The following ARMC8 variants were observed in gnomAD, a reference collection of about 807,000 sequenced individuals.
ARMC8 encodes armadillo repeat-containing protein 8.
In ARMC8, 20 loss-of-function variants were observed where a neutral mutation model predicts 99.3. The observed-to-expected ratio is 0.20, with a 90% confidence interval of 0.14 to 0.29. The LOEUF is 0.29. Ranked by LOEUF, ARMC8 falls within the 10% of genes least tolerant of loss-of-function variation. ARMC8 has a pLI of 1.00. For missense variants in ARMC8, 569 were observed against 809.5 expected (o/e 0.70, Z 3.60); for synonymous variants, 263 against 278.3 (o/e 0.95, Z 0.55).
chr3:138,227,110 C>T (rs1456256412), intron 5 of ARMC8, among the ~76,000 whole-genome samples: 1 of 152,174 alleles, frequency 6.6e-6, no homozygotes, highest in Non-Finnish European at 1.5e-5. Context: ...AGTAAAAAGA[C>T]AGCAGGATTT....
intron 14 of ARMC8, among the ~76,000 whole-genome samples, chr3:138,266,935 C>A (rs1434908181): frequency 6.6e-6 from 1 of 152,162 alleles, no homozygotes; most frequent in Non-Finnish European, 1.5e-5. Context: ...AGTGAGGCTG[C>A]AGCTTCTCCA....
intron 6 of ARMC8, among the ~76,000 whole-genome samples, chr3:138,230,576 A>C (rs1490597569): frequency 6.6e-6 from 1 of 152,074 alleles, no homozygotes; most frequent in Non-Finnish European, 1.5e-5. Context: ...TCGATTGAGC[A>C]CAGGTGGTTG....
intron 12 of ARMC8, among the ~76,000 whole-genome samples, chr3:138,263,323 T>C (rs956570242): frequency 7.9e-5 from 12 of 152,256 alleles, no homozygotes; most frequent in African/African-American, 2.9e-4. Context: ...GGCTCTGTCC[T>C]AAGCCCAGAT....
At chr3:138,265,330 A>T (rs1281503163) in intron 14 of ARMC8, among the ~76,000 whole-genome samples, 4 of 152,150 alleles carry the variant, frequency 2.6e-5, no homozygotes, top group African/African-American at 9.7e-5. Flanking sequence ...GCTGCTAATA[A>T]TGTTATCCCC....
chr3:138,285,461 T>A (rs2050319262), intron 19 of ARMC8, among the ~76,000 whole-genome samples: 1 of 152,154 alleles, frequency 6.6e-6, no homozygotes, highest in Admixed American at 6.5e-5. Context: ...CCACTTGAAG[T>A]TTCTCAAAAA....
At chr3:138,243,900 C>A (rs992916708) in intron 11 of ARMC8, among the ~76,000 whole-genome samples, 1 of 152,108 alleles carries the variant, frequency 6.6e-6, no homozygotes, top group African/African-American at 2.4e-5. Context: ...AAAGTAACTT[C>A]TTTGGGAAAA....
rs556647265 is a variant in ARMC8, at chr3:138,286,288, T to G, written c.1821+1762T>G. 3.3e-5 allele frequency among the ~76,000 whole-genome samples: 5 copies of G among 152,196 alleles called. No individual in the cohort carries two copies. The South Asian group carries it at 8.3e-4, about 25-fold the overall frequency. On this transcript the variant is annotated intron_variant, in intron 19 of 21. Transcript: ENST00000469044. ...AAGCATCTTTTCTGTACATACGGCCTCCTCCTCTGCCTCTAAAGTCATTTT... is the reference window on the plus strand; with the variant it reads ...AAGCATCTTTTCTGTACATACGGCCGCCTCCTCTGCCTCTAAAGTCATTTT...
intron 1 of ARMC8, among the ~76,000 whole-genome samples, chr3:138,207,758 A>G (rs1026901993): frequency 1.3e-5 from 2 of 152,194 alleles, no homozygotes; most frequent in African/African-American, 2.4e-5. Context: ...AGATCTGACA[A>G]ATGGGTAAAG....
intron 2 of ARMC8, 105 bp from the exon 3 acceptor site, chr3:138,221,821 T>C (rs2045414169): frequency 3.4e-6 from 3 of 884,850 alleles, no homozygotes; most frequent in African/African-American, 3.3e-5. Context: ...AGGTTAGTGC[T>C]TTTACTTTGT....
chr3:138,197,401 C>T (rs560196454), intron 1 of ARMC8, among the ~76,000 whole-genome samples: 34 of 152,294 alleles, frequency 2.2e-4, no homozygotes, highest in Non-Finnish European at 3.2e-4. Flanking sequence ...AATACTACTT[C>T]GAAGGTGTGC....
rs1285428368 is a variant in ARMC8, at chr3:138,258,730, C to G, written c.1135-5009C>G. ...ATGTCATAAAAGCTAAAGACACCAGCAGGGAGGTACACAATACCTGATCCA... is the reference window on the plus strand; with the variant it reads ...ATGTCATAAAAGCTAAAGACACCAGGAGGGAGGTACACAATACCTGATCCA... On this transcript the variant is annotated intron_variant, in intron 12 of 21. Transcript: ENST00000469044. Among the ~76,000 whole-genome samples, 3 of 152,218 alleles carry G rather than the reference C, an allele frequency of 2.0e-5. No homozygotes were observed. The South Asian group carries it at 6.2e-4, about 32-fold the overall frequency.
At chr3:138,239,338 A>C (rs961428325) in intron 9 of ARMC8, 130 bp from the exon 10 acceptor site, 10 of 627,444 alleles carry the variant, frequency 1.6e-5, no homozygotes, top group African/African-American at 1.6e-4. Flanking sequence ...CGAATTGTCA[A>C]AATCTTCACT....
intron 1 of ARMC8, among the ~76,000 whole-genome samples, chr3:138,199,103 G>A (rs557123261): frequency 3.3e-5 from 5 of 152,156 alleles, no homozygotes; most frequent in South Asian, 2.1e-4. Context: ...GAAACTTTCC[G>A]AAGTTACTAG....
chr3:138,289,051 C>T lies in ARMC8; in HGVS notation c.1825C>T (p.His609Tyr). 2 of 1,611,884 alleles carry T rather than the reference C, an allele frequency of 1.2e-6. No homozygotes were observed. Among genetic ancestry groups the T allele is most frequent in the Non-Finnish European group, 1.7e-6 (2 of 1,178,522 alleles). The change falls in exon 20 of 22, where the codon CAT becomes TAT. Residue 609 changes from histidine (H) to tyrosine (Y), a missense_variant. Transcript: ENST00000469044. ...ILQKIKYYMG[H>Y]SHVKLQLAAM... Reference sequence around the variant, plus strand: ...TTTTCTTTTTCTGTATTAATAGGGCCATTCACATGTTAAACTGCAGCTTGC... The same window carrying T: ...TTTTCTTTTTCTGTATTAATAGGGCTATTCACATGTTAAACTGCAGCTTGC...
In ARMC8 at chr3:138,221,813, GT is replaced by G. The variant is rs2045413777; in HGVS notation, c.123-111del. The G allele has an allele frequency of 1.8e-5, 14 of 784,920 alleles. No homozygotes were observed. The South Asian group carries it at 2.1e-4, about 12-fold the overall frequency. 48.6% of individuals were successfully genotyped at this position (784,920 alleles called of 1,614,324 possible). A position where few individuals can be genotyped will look rare whatever the true frequency, so the allele number is the denominator to read the frequency against. ...TCATTAGTACTTTAGGTGAAAAAAG[GT>G]TAGTGCTTTTACTTTGTCAAATCTA... is the stretch of plus-strand genomic sequence containing the variant. On this transcript the variant is annotated intron_variant, in intron 2 of 21. Transcript: ENST00000469044.
chr3:138,199,467 A>G (rs993399452), intron 1 of ARMC8, among the ~76,000 whole-genome samples: 7 of 152,134 alleles, frequency 4.6e-5, no homozygotes, highest in Non-Finnish European at 7.4e-5. Context: ...GTCTTTGTGG[A>G]TAGTGTTATC....
At chr3:138,285,759 A>G (rs745866801) in intron 19 of ARMC8, among the ~76,000 whole-genome samples, 1 of 152,186 alleles carries the variant, frequency 6.6e-6, no homozygotes, top group Non-Finnish European at 1.5e-5. Flanking sequence ...TATATCCACC[A>G]TGGTGTCTGG....
chr3:138,278,683 A>G (rs901623850), intron 18 of ARMC8, among the ~76,000 whole-genome samples: 3 of 152,152 alleles, frequency 2.0e-5, no homozygotes, highest in East Asian at 1.9e-4. Context: ...GAGTCTTCCA[A>G]TTCATGAATA....
intron 1 of ARMC8, among the ~76,000 whole-genome samples, chr3:138,200,512 G>A (rs1326649156): frequency 6.6e-6 from 1 of 152,154 alleles, no homozygotes; most frequent in Non-Finnish European, 1.5e-5. Flanking sequence ...CATGACTGGA[G>A]AGTGGAAAGT....
Sources: gnomAD v4.1 joint callset for allele counts (sites outside exome capture counted in the v4.1 genomes callset) on GRCh38, gnomAD v4.1.1 for gene constraint, MANE v1.5 for transcripts, NCBI Gene and HGNC (gene_info 2026-07-23, HGNC 2026-07-21) for gene names.